The following LARGE1 variants were observed in gnomAD, a reference collection of about 807,000 sequenced individuals.
The protein encoded by LARGE1 is xylosyl- and glucuronyltransferase LARGE1.
A neutral mutation model predicts 87.6 loss-of-function variants in LARGE1; 43 were observed. The ratio of observed to expected loss-of-function variants is 0.49; its 90% CI spans 0.38 to 0.63. LARGE1 has a LOEUF of 0.63. Ranked by LOEUF, LARGE1 falls within the 30% of genes least tolerant of loss-of-function variation. The pLI is 0.00. For synonymous variants in LARGE1, 434 were observed against 394.6 expected (o/e 1.10, Z -1.18); for missense variants, 802 against 1,000.2 (o/e 0.80, Z 2.67).
chr22:33,320,974 A>G (rs1173576733), intron 10 of LARGE1: 1 of 152,202 alleles, frequency 6.6e-6, no homozygotes, highest in Non-Finnish European at 1.5e-5. Flanking sequence ...GCCTCATGTG[A>G]AGACGCAGAT....
chr22:33,645,708 A>T (rs2080589938), intron 3 of LARGE1, among the ~76,000 whole-genome samples: 1 of 152,218 alleles, frequency 6.6e-6, no homozygotes, highest in Admixed American at 6.5e-5. Flanking sequence ...ACAAAGGGCT[A>T]ATATCCAGAA....
intron 1 of LARGE1, among the ~76,000 whole-genome samples, chr22:33,814,531 A>G (rs966128723): frequency 1.3e-5 from 2 of 152,166 alleles, no homozygotes; most frequent in Non-Finnish European, 2.9e-5. Context: ...CCTCAATTGT[A>G]TTGATGGGCC....
chr22:33,118,723 G>A, the LARGE1 span, among the ~76,000 whole-genome samples: 1 of 152,148 alleles, frequency 6.6e-6, no homozygotes, highest in South Asian at 2.1e-4. Context: ...TACCCAACCA[G>A]TTATTTCCTG....
chr22:33,228,763 A>T lies in LARGE1; in HGVS notation c.1731-61931T>A, dbSNP rs551642995. Reference sequence around the variant, plus strand: ...TTAAGTAAGAGACAATGTTGCACTGATTCACAGGGGTCTTATCAATCAGTG... The same window carrying T: ...TTAAGTAAGAGACAATGTTGCACTGTTTCACAGGGGTCTTATCAATCAGTG... On this transcript the variant is annotated intron_variant, in intron 11 of 11. Transcript: ENST00000608642. Among the ~76,000 whole-genome samples, 45 of 152,294 alleles carry T rather than the reference A, an allele frequency of 3.0e-4. No individual in the cohort carries two copies. In the South Asian group the frequency reaches 8.9e-3, roughly 30 times the overall value.
chr22:33,517,272 C>T (rs765445406), intron 6 of LARGE1, among the ~76,000 whole-genome samples: 1 of 151,972 alleles, frequency 6.6e-6, no homozygotes, highest in Non-Finnish European at 1.5e-5. Context: ...CTCAACCCCT[C>T]CACACCCCTC....
chr22:33,731,225 G>T (rs563249754), intron 2 of LARGE1, among the ~76,000 whole-genome samples: 2 of 151,274 alleles, frequency 1.3e-5, no homozygotes, highest in Non-Finnish European at 2.9e-5. Context: ...CGATGGTCTC[G>T]ATCTCCTGAA....
chr22:33,306,858 T>A, intron 11 of LARGE1, among the ~76,000 whole-genome samples: 1 of 128,874 alleles, frequency 7.8e-6, no homozygotes. Context: ...TGAGAATCTG[T>A]CTCAAAAAAA....
rs538848117 is a variant in LARGE1 at position 33,489,237 on chromosome 22, C to T, written c.788-56972G>A. The stretch of plus-strand genomic sequence containing the variant: ...TAATGACAAATGGTGATAGGTGCTA[C>T]GAAGATCACAAAATGTGTGGTCGTG... On this transcript the variant is annotated intron_variant, in intron 6 of 14. Transcript: ENST00000397394. Among the ~76,000 whole-genome samples the T allele has an allele frequency of 3.9e-5, 6 of 152,284 alleles. No homozygotes were observed. The South Asian group carries it at 1.2e-3, about 32-fold the overall frequency.
rs1928783452 is a variant in LARGE1 at position 33,274,517 on chromosome 22, G to C, written c.2181C>G (p.Leu727=). 1 of 1,614,162 alleles carries C rather than the reference G, an allele frequency of 6.2e-7. No individual in the cohort carries two copies. The highest frequency in any genetic ancestry group is 8.5e-7 in the Non-Finnish European group (1 of 1,180,030). Reference sequence around the variant, plus strand: ...GCTGAAACTCTTCCTTGAGGGTTTTGAGACAGATGCGGTATTGCTTGTTGG... The same window carrying C: ...GCTGAAACTCTTCCTTGAGGGTTTTCAGACAGATGCGGTATTGCTTGTTGG... ...FRSNKQYRIC[L]KTLKEEFQQD... is the part of the protein sequence containing the mutation. Residue 727 remains leucine, a synonymous_variant, in exon 15 of 15, where the codon CTC becomes CTG. Transcript: ENST00000397394.
At chr22:33,606,363 C>T (rs904633613) in intron 4 of LARGE1, among the ~76,000 whole-genome samples, 4 of 151,408 alleles carry the variant, frequency 2.6e-5, no homozygotes, top group East Asian at 3.9e-4. Context: ...CGAGATTGCA[C>T]GACTGCACTC....
intron 7 of LARGE1, among the ~76,000 whole-genome samples, chr22:33,394,701 G>A (rs2065660763): frequency 8.2e-6 from 1 of 121,316 alleles, no homozygotes; most frequent in Non-Finnish European, 1.6e-5. Context: ...CCTCCTGGGA[G>A]CGTGTGTGTG....
At chr22:33,895,891 C>G (rs1161382424) in intron 1 of LARGE1, among the ~76,000 whole-genome samples, 1 of 152,200 alleles carries the variant, frequency 6.6e-6, no homozygotes, top group African/African-American at 2.4e-5. Flanking sequence ...AACTTAGAGT[C>G]TGCCTGCCAG....
chr22:33,699,043 C>T (rs2082333263), intron 2 of LARGE1, among the ~76,000 whole-genome samples: 1 of 152,176 alleles, frequency 6.6e-6, no homozygotes, highest in African/African-American at 2.4e-5. Flanking sequence ...TCGGGGTCCT[C>T]CTCTGTAGGC....
At chr22:33,811,118 C>T (rs1051435675) in intron 1 of LARGE1, among the ~76,000 whole-genome samples, 13 of 152,258 alleles carry the variant, frequency 8.5e-5, no homozygotes, top group African/African-American at 3.1e-4. Context: ...TGATTCTGAG[C>T]TCTTGCTTAT....
chr22:33,590,707 C>T (rs1419786311), intron 5 of LARGE1, among the ~76,000 whole-genome samples: 1 of 152,150 alleles, frequency 6.6e-6, no homozygotes, highest in Non-Finnish European at 1.5e-5. Context: ...CTGTATGTGC[C>T]GTCAGTTCAT....
At chr22:33,470,810 A>G (rs1296243868) in intron 6 of LARGE1, among the ~76,000 whole-genome samples, 1 of 152,194 alleles carries the variant, frequency 6.6e-6, no homozygotes, top group African/African-American at 2.4e-5. Flanking sequence ...CTCTGAGTAA[A>G]AGGCAGTGTA....
intron 9 of LARGE1, among the ~76,000 whole-genome samples, chr22:33,339,651 C>G (rs1305007609): frequency 6.6e-6 from 1 of 151,120 alleles, no homozygotes; most frequent in Non-Finnish European, 1.5e-5. Context: ...ACAAGATATG[C>G]ACAAGAAAAA....
Position 33,834,122 on chromosome 22 carries a change from A to G in LARGE1, c.-82-72564T>C, listed in dbSNP as rs147090300. 3.3e-5 allele frequency among the ~76,000 whole-genome samples: 5 copies of G among 152,272 alleles called. No homozygotes were observed. In the East Asian group the frequency reaches 7.7e-4, roughly 24 times the overall value. ...CTCCTTCTATCACCAAGAATATAAT[A>G]CTTACTCAACTAATATTTGTTTAGC... On this transcript the variant is annotated intron_variant, in intron 1 of 14. Transcript: ENST00000397394.
chr22:33,501,007 G>A (rs1410070644), intron 6 of LARGE1, among the ~76,000 whole-genome samples: 1 of 152,144 alleles, frequency 6.6e-6, no homozygotes, highest in African/African-American at 2.4e-5. Context: ...GGAGGTGCGG[G>A]CGCCCATGGA....
Sources: gnomAD v4.1 joint callset for allele counts (sites outside exome capture counted in the v4.1 genomes callset) on GRCh38, gnomAD v4.1.1 for gene constraint, MANE v1.5 for transcripts, NCBI Gene and HGNC (gene_info 2026-07-23, HGNC 2026-07-21) for gene names.